The following MED13 variants were observed in gnomAD, a reference collection of about 807,000 sequenced individuals.
The protein encoded by MED13 is mediator complex subunit 13.
In MED13, 23 loss-of-function variants were observed where a neutral mutation model predicts 225.2. The observed-to-expected ratio is 0.10, with a 90% confidence interval of 0.07 to 0.14. The LOEUF (loss-of-function observed/expected upper bound fraction) is 0.14, where lower values mean the gene tolerates loss of function less well. Among genes scored for constraint, MED13 ranks in the 10% least tolerant of loss-of-function variants. The pLI, the probability that MED13 is intolerant of heterozygous loss-of-function variation, is 1.00. For missense variants in MED13, 2,197 were observed against 2,594.5 expected, an observed-to-expected ratio of 0.85 and a Z score of 3.33; for synonymous variants, 942 against 889.2, an observed-to-expected ratio of 1.06 and a Z score of -1.06.
At position 61,950,831 on chromosome 17, in the gene MED13, A is replaced by G. The variant is rs2079890595; in HGVS notation, c.6285T>C (p.Phe2095=). Residue 2095 remains phenylalanine (F), a synonymous_variant, in exon 28 of 30, where the codon TTT becomes TTC. Transcript: ENST00000397786. ...GGGACAGAAATGGCAATACCTTAAG[A>G]AAAAGGGGACACTGATATTGTGCTT... ...CPQAQYQCPL[F]LKASLHLHVP... The G allele has an allele frequency of 6.2e-7, 1 of 1,609,314 alleles. No individual in the cohort carries two copies.
rs928770850 is a variant in MED13 at position 61,984,256 on chromosome 17, C to T, written c.2803G>A (p.Glu935Lys). Residue 935 changes from glutamate (E) to lysine (K), a missense_variant, in exon 15 of 30, where the codon GAA (glutamate) becomes AAA (lysine). Physicochemically the swap from Glu to Lys is moderately conservative, Grantham distance 56. Around this residue, in one of 12 missense-constraint regions of MED13, gnomAD observed 160 missense variants for 184.8 expected, o/e 0.87. Coordinates refer to ENST00000397786, the MANE Select transcript of MED13 (RefSeq NM_005121.3). ...SQYLPPIKLPEECIYRQSWTV... is the reference protein window; with the variant it reads ...SQYLPPIKLPKECIYRQSWTV... Reference sequence around the variant, plus strand: ...CAACTCTGACGGTAAATACACTCTTCTGGCAATTTGATAGGGGGCAGATAT... The same window carrying T: ...CAACTCTGACGGTAAATACACTCTTTTGGCAATTTGATAGGGGGCAGATAT... 25 of 1,612,074 alleles carry T rather than the reference C, an allele frequency of 1.6e-5. No homozygotes were observed. Among genetic ancestry groups the T allele is most frequent in the Non-Finnish European group, 2.0e-5 (24 of 1,179,274 alleles).
At position 62,022,174 on chromosome 17, in the gene MED13, A is replaced by AATAT. The variant is rs35902303; in HGVS notation, c.1283+7363_1283+7366dup. ...CAGAGCAAGACTGTCTCAAAAAAAA[A>AATAT]ATATATATATATATATATATATTCT... On this transcript the variant is annotated intron_variant, in intron 8 of 29. Transcript: ENST00000397786. Among the ~76,000 whole-genome samples, 407 of 141,298 alleles carry AATAT rather than the reference A, an allele frequency of 2.9e-3. 1 individual carries two copies. The highest frequency in any genetic ancestry group is 8.4e-3 in the East Asian group (41 of 4,894). 92.7% of individuals were successfully genotyped at this position (141,298 alleles called of 152,430 possible). A position where few individuals can be genotyped will look rare whatever the true frequency, so the allele number is the denominator to read the frequency against.
intron 11 of MED13, among the ~76,000 whole-genome samples, chr17:61,988,072 G>A (rs973341824): frequency 6.6e-6 from 1 of 151,904 alleles, no homozygotes; most frequent in African/African-American, 2.4e-5. Context: ...AAATGTAAAC[G>A]AAGAACAGAA....
chr17:61,947,544 T>C (rs1039227461), intron 28 of MED13, among the ~76,000 whole-genome samples: 2 of 152,210 alleles, frequency 1.3e-5, no homozygotes, highest in South Asian at 4.1e-4. Context: ...TGACACCCTT[T>C]ATGACTACGC....
chr17:62,020,740 G>C (rs933392910), intron 8 of MED13, among the ~76,000 whole-genome samples: 1 of 149,576 alleles, frequency 6.7e-6, no homozygotes, highest in African/African-American at 2.5e-5. Context: ...TCGCAGAGGG[G>C]TATTTGGCAG....
At chr17:62,031,007 G>A (rs1417533725) in intron 6 of MED13, 2 of 152,550 alleles carry the variant, frequency 1.3e-5, no homozygotes. Flanking sequence ...TTTAATTATA[G>A]ATAAACACAT....
rs1266275574 is a variant in MED13 at position 61,942,693 on chromosome 17, C to T, written c.*3775G>A. The T allele has an allele frequency of 6.7e-6, 1 of 149,628 alleles. No homozygotes were observed. The highest frequency in any genetic ancestry group is 1.5e-5 in the Non-Finnish European group (1 of 67,366). 9.3% of individuals were successfully genotyped at this position (149,628 alleles called of 1,614,324 possible). On this transcript the variant is annotated 3_prime_UTR_variant, in exon 30 of 30. Coordinates refer to ENST00000397786, the MANE Select transcript of MED13 (RefSeq NM_005121.3). Reference sequence around the variant, plus strand: ...TTAAAAAGTATAAACCTTTTCATTTCCTCAATCACAATTTGTACAACTCAG... The same window carrying T: ...TTAAAAAGTATAAACCTTTTCATTTTCTCAATCACAATTTGTACAACTCAG...
In MED13 at chr17:61,943,597, A is replaced by T. The variant is rs1457138915; in HGVS notation, c.*2871T>A. The T allele has an allele frequency of 6.6e-6, 1 of 152,622 alleles. No homozygotes were observed. Among genetic ancestry groups the T allele is most frequent in the Non-Finnish European group, 1.5e-5 (1 of 67,996 alleles). The allele number at this position is 152,622 out of a possible 1,614,324, so 9.5% of individuals were successfully genotyped here. A position where few individuals can be genotyped will look rare whatever the true frequency, so the allele number is the denominator to read the frequency against. On this transcript the variant is annotated 3_prime_UTR_variant, in exon 30 of 30. Coordinates refer to ENST00000397786, the MANE Select transcript of MED13 (RefSeq NM_005121.3). ...GTTTAAGAAAAGTTTAGAAATATTTAAAAATTACAGCTACTTTAAAATTTA... is the reference window on the plus strand; with the variant it reads ...GTTTAAGAAAAGTTTAGAAATATTTTAAAATTACAGCTACTTTAAAATTTA...
intron 17 of MED13, among the ~76,000 whole-genome samples, chr17:61,971,014 A>G (rs2080103647): frequency 6.6e-6 from 1 of 151,830 alleles, no homozygotes; most frequent in Non-Finnish European, 1.5e-5. Flanking sequence ...GACAGAACAA[A>G]TCTCAAAAAT....
At chr17:61,988,985 C>T (rs1451242084) in intron 11 of MED13, among the ~76,000 whole-genome samples, 1 of 151,860 alleles carries the variant, frequency 6.6e-6, no homozygotes, top group Non-Finnish European at 1.5e-5. Flanking sequence ...TGGTAATCAC[C>T]ACTTTACTTT....
At chr17:62,009,254 G>A (rs1293319708) in intron 9 of MED13, among the ~76,000 whole-genome samples, 2 of 152,096 alleles carry the variant, frequency 1.3e-5, no homozygotes, top group Admixed American at 1.3e-4. Context: ...AGGGATACCT[G>A]GAAAAAAGCC....
intron 23 of MED13, among the ~76,000 whole-genome samples, chr17:61,959,378 T>G: frequency 6.6e-6 from 1 of 152,178 alleles, no homozygotes; most frequent in Non-Finnish European, 1.5e-5. Context: ...ATGATAATAC[T>G]ATTTTGATAA....
At chr17:62,008,857 TAAG>T (rs1567974615) in intron 9 of MED13, among the ~76,000 whole-genome samples, 1 of 151,702 alleles carries the variant, frequency 6.6e-6, no homozygotes, top group African/African-American at 2.4e-5. Context: ...ATAACAGAAA[TAAG>T]AAAGTATTAA....
intron 2 of MED13, among the ~76,000 whole-genome samples, chr17:62,054,560 C>T (rs920548088): frequency 1.3e-5 from 2 of 152,054 alleles, no homozygotes; most frequent in African/African-American, 4.8e-5. Flanking sequence ...CACAAAGTGA[C>T]TTCACTTTAA....
intron 28 of MED13, among the ~76,000 whole-genome samples, chr17:61,948,086 G>T (rs919989216): frequency 6.6e-6 from 1 of 152,110 alleles, no homozygotes; most frequent in Non-Finnish European, 1.5e-5. Context: ...TTTTTAAAAT[G>T]TAATTAGTAC....
rs773685207 is a variant in MED13 at position 61,966,645 on chromosome 17, G to T, written c.4198C>A (p.Arg1400=). ...GAAACAGGTCTATGTTGACCTAATC[G>T]ACAGGACTACAAATATACATACAGA... ...RDLTAIYESC[R]LGQHRPVSRL... The change falls in exon 19 of 30, where the codon CGA becomes AGA. Residue 1400 remains arginine, a synonymous_variant. Coordinates refer to ENST00000397786, the MANE Select transcript of MED13 (RefSeq NM_005121.3). The T allele has an allele frequency of 2.1e-5, 34 of 1,595,600 alleles. 1 individual carries two copies. The South Asian group carries it at 3.9e-4, about 18-fold the overall frequency.
chr17:61,960,919 G>C lies in MED13; in HGVS notation c.5428C>G (p.Leu1810Val), dbSNP rs376522642. Residue 1810 changes from leucine to valine, a missense_variant, in exon 23 of 30, where the codon CTA becomes GTA. Leu to Val is a conservative substitution (Grantham distance 32, BLOSUM62 1). Coordinates refer to ENST00000397786, the MANE Select transcript of MED13 (RefSeq NM_005121.3). ...QRWILASCTD[L>V]YGELLETCII... ...CAAGTTTCTAAAAGTTCTCCATATA[G>C]ATCTGTGCAAGATGCAAGAATCCAC... 2 of 1,613,588 alleles carry C rather than the reference G, an allele frequency of 1.2e-6. No individual in the cohort carries two copies. The highest frequency in any genetic ancestry group is 1.7e-6 in the Non-Finnish European group (2 of 1,179,862).
At position 62,019,449 on chromosome 17, in the gene MED13, T is replaced by C. The variant is rs1479165087; in HGVS notation, c.1284-8216A>G. Among the ~76,000 whole-genome samples the C allele has an allele frequency of 2.0e-5, 3 of 152,324 alleles. No homozygotes were observed. In the East Asian group the frequency reaches 5.8e-4, roughly 29 times the overall value. On this transcript the variant is annotated intron_variant, in intron 8 of 29. Transcript: ENST00000397786. ...ATTTTTTAAGACTGTAAATAAGTTC[T>C]GAGACAAAAAAGTTTGAGAATTAGT...
At chr17:61,991,221 C>G (rs1003310633) in intron 11 of MED13, among the ~76,000 whole-genome samples, 1 of 151,888 alleles carries the variant, frequency 6.6e-6, no homozygotes, top group Non-Finnish European at 1.5e-5. Context: ...TGGGTTCAAG[C>G]GATTCTCCTG....
Sources: gnomAD v4.1 joint callset for allele counts (sites outside exome capture counted in the v4.1 genomes callset) on GRCh38, gnomAD v4.1.1 for gene constraint, gnomAD v4.1.1 regional missense constraint, MANE v1.5 for transcripts, NCBI Gene and HGNC (gene_info 2026-07-23, HGNC 2026-07-21) for gene names.